Variants in ADAMTSL1 observed in about 807,000 individuals in gnomAD.
The protein encoded by ADAMTSL1 is ADAMTS like 1.
Under a neutral mutation model 201.8 loss-of-function variants are expected in ADAMTSL1, and 126 were observed. That is an observed-to-expected ratio of 0.62 (90% CI 0.54 to 0.72). The LOEUF is 0.72. Among genes scored for constraint, ADAMTSL1 ranks in the 30% least tolerant of loss-of-function variants. The pLI, the probability that ADAMTSL1 is intolerant of heterozygous loss-of-function variation, is 0.00. For missense variants in ADAMTSL1, 2,679 were observed against 2,277.8 expected, an observed-to-expected ratio of 1.18 and a Z score of -3.59; for synonymous variants, 1,121 against 903.4, an observed-to-expected ratio of 1.24 and a Z score of -4.32.
At chr9:18,588,429 T>C (rs1417172939) in intron 4 of ADAMTSL1, among the ~76,000 whole-genome samples, 1 of 151,562 alleles carries the variant, frequency 6.6e-6, no homozygotes, top group Non-Finnish European at 1.5e-5. Context: ...TTTCCCTTTT[T>C]GTTTTCTTTG....
chr9:18,117,643 C>G (rs911593533), intron 1 of ADAMTSL1, among the ~76,000 whole-genome samples: 5 of 152,172 alleles, frequency 3.3e-5, no homozygotes, highest in Non-Finnish European at 7.4e-5. Context: ...AATGCTGGAA[C>G]TTAATTATTT....
intron 1 of ADAMTSL1, among the ~76,000 whole-genome samples, chr9:17,975,002 T>C (rs910517420): frequency 6.6e-6 from 1 of 151,854 alleles, no homozygotes; most frequent in Non-Finnish European, 1.5e-5. Flanking sequence ...AAAGTTTCCC[T>C]TTTTTTTCAC....
chr9:18,405,921 T>C (rs1285863235), intron 2 of ADAMTSL1, among the ~76,000 whole-genome samples: 2 of 152,234 alleles, frequency 1.3e-5, no homozygotes, highest in Non-Finnish European at 2.9e-5. Flanking sequence ...CTATTTCTGC[T>C]CTTTCTAAGC....
At chr9:18,179,688 T>C (rs867788294) in intron 2 of ADAMTSL1, among the ~76,000 whole-genome samples, 6 of 152,028 alleles carry the variant, frequency 3.9e-5, no homozygotes, top group African/African-American at 1.2e-4. Context: ...CGGCAGAAAC[T>C]CTACAAGCCA....
chr9:18,515,446 T>G (rs930343184), intron 2 of ADAMTSL1, among the ~76,000 whole-genome samples: 1 of 152,170 alleles, frequency 6.6e-6, no homozygotes, highest in African/African-American at 2.4e-5. Context: ...ACCGTCCTCC[T>G]ATCTCAGCCT....
intron 2 of ADAMTSL1, among the ~76,000 whole-genome samples, chr9:18,175,647 G>T (rs566708280): frequency 6.6e-6 from 1 of 151,954 alleles, no homozygotes. Flanking sequence ...CTTCTGCCTG[G>T]AATGTCTTCC....
intron 2 of ADAMTSL1, among the ~76,000 whole-genome samples, chr9:18,525,289 C>T (rs1434019326): frequency 6.6e-6 from 1 of 152,076 alleles, no homozygotes; most frequent in Non-Finnish European, 1.5e-5. Flanking sequence ...GTGGTGATAT[C>T]CCCTTTATCA....
intron 1 of ADAMTSL1, among the ~76,000 whole-genome samples, chr9:18,026,414 T>C (rs934740119): frequency 1.3e-5 from 2 of 152,006 alleles, no homozygotes; most frequent in Admixed American, 1.3e-4. Context: ...TTTTACTTGT[T>C]GAAGGATACT....
rs1225453630 is a variant in ADAMTSL1 at position 18,906,130 on chromosome 9, T to C, written c.4961+239T>C. 3.9e-5 allele frequency among the ~76,000 whole-genome samples: 6 copies of C among 151,926 alleles called. No individual in the cohort carries two copies. In the East Asian group the frequency reaches 1.2e-3, roughly 29 times the overall value. On this transcript the variant is annotated intron_variant, in intron 27 of 28. Transcript: ENST00000380548. Reference sequence around the variant, plus strand: ...CTCTTAGTGATGAAGAGTGCAAGGGTGTTATTCTTCTGAGAGAGGCCTCAT... The same window carrying C: ...CTCTTAGTGATGAAGAGTGCAAGGGCGTTATTCTTCTGAGAGAGGCCTCAT...
intron 2 of ADAMTSL1, chr9:18,360,822 G>C (rs1836485833): frequency 6.6e-6 from 1 of 152,134 alleles, no homozygotes; most frequent in African/African-American, 2.4e-5. Flanking sequence ...CTTGTGTTCT[G>C]TGACTAGGAT....
intron 21 of ADAMTSL1, among the ~76,000 whole-genome samples, chr9:18,824,516 G>A (rs1403492308): frequency 1.3e-5 from 2 of 152,040 alleles, no homozygotes; most frequent in African/African-American, 4.8e-5. Flanking sequence ...AGATACACAG[G>A]CAACTCTTTG....
rs149447185 is a variant in ADAMTSL1 at position 18,805,661 on chromosome 9, G to A, written c.3805+10137G>A. Among the ~76,000 whole-genome samples, 4 of 152,262 alleles carry A rather than the reference G, an allele frequency of 2.6e-5. No homozygotes were observed. In the East Asian group the frequency reaches 7.7e-4, roughly 29 times the overall value. The stretch of plus-strand genomic sequence containing the variant: ...ATGAGCTCGGGACACCTAACCTGTA[G>A]ACAGCCCTTTCTCCTGCCCCTGCCC... On this transcript the variant is annotated intron_variant, in intron 20 of 28. Transcript: ENST00000380548.
At chr9:18,387,693 C>T (rs911008294) in intron 2 of ADAMTSL1, among the ~76,000 whole-genome samples, 1 of 151,840 alleles carries the variant, frequency 6.6e-6, no homozygotes, top group African/African-American at 2.4e-5. Context: ...AATCAAATAA[C>T]ATTAACTATA....
At chr9:18,657,020 TG>T (rs1252568111) in intron 7 of ADAMTSL1, among the ~76,000 whole-genome samples, 1 of 152,222 alleles carries the variant, frequency 6.6e-6, no homozygotes, top group Non-Finnish European at 1.5e-5. Context: ...ATCGTTTTTA[TG>T]ACATAAATTT....
At chr9:18,589,260 A>G (rs1310117423) in intron 4 of ADAMTSL1, among the ~76,000 whole-genome samples, 1 of 152,054 alleles carries the variant, frequency 6.6e-6, no homozygotes, top group Non-Finnish European at 1.5e-5. Flanking sequence ...TCTGTCATCA[A>G]TGTTTTAGTT....
At chr9:18,150,222 G>A (rs1489722033) in intron 1 of ADAMTSL1, among the ~76,000 whole-genome samples, 3 of 152,076 alleles carry the variant, frequency 2.0e-5, no homozygotes, top group Non-Finnish European at 4.4e-5. Flanking sequence ...TAAGATAGTA[G>A]TGGTATAACA....
Position 18,853,116 on chromosome 9 carries a change from A to C in ADAMTSL1, c.4249+23139A>C, listed in dbSNP as rs546008263. Among the ~76,000 whole-genome samples, 8 of 152,282 alleles carry C rather than the reference A, an allele frequency of 5.3e-5. 1 individual carries two copies. In the South Asian group the frequency reaches 1.7e-3, roughly 32 times the overall value. On this transcript the variant is annotated intron_variant, in intron 23 of 28. Transcript: ENST00000380548. ...GCTGTTCATAAAATGCAATGACCTC[A>C]TGGCATCTGAGTAGACTTCATGGGG...
intron 1 of ADAMTSL1, among the ~76,000 whole-genome samples, chr9:18,484,990 A>G (rs886616846): frequency 6.6e-6 from 1 of 152,230 alleles, no homozygotes; most frequent in Non-Finnish European, 1.5e-5. Context: ...TCAATGAAAT[A>G]ACATTAGTTA....
At chr9:17,974,429 G>C (rs553711931) in intron 1 of ADAMTSL1, among the ~76,000 whole-genome samples, 7 of 152,052 alleles carry the variant, frequency 4.6e-5, no homozygotes, top group African/African-American at 1.7e-4. Flanking sequence ...CTGCAATACG[G>C]TGTAAATGTA....
Sources: allele counts gnomAD v4.1 joint callset (sites outside exome capture counted in the v4.1 genomes callset), GRCh38; gene constraint gnomAD v4.1.1; transcripts MANE v1.5; gene names NCBI Gene and HGNC (gene_info 2026-07-23, HGNC 2026-07-21).